The following MAP3K5 variants were observed in gnomAD, a reference collection of about 807,000 sequenced individuals.
MAP3K5 encodes ASK-1.
Under a neutral mutation model 158.7 loss-of-function variants are expected in MAP3K5, and 56 were observed. The ratio of observed to expected loss-of-function variants is 0.35; its 90% CI spans 0.28 to 0.44. The LOEUF is 0.44. Ranked by LOEUF, MAP3K5 falls within the 20% of genes least tolerant of loss-of-function variation. The pLI is 1.00. For missense variants in MAP3K5, 1,294 were observed against 1,674.8 expected (o/e 0.77, Z 3.97); for synonymous variants, 579 against 601.7 (o/e 0.96, Z 0.55).
At chr6:136,569,892 G>A (rs1774286624) in intron 25 of MAP3K5, among the ~76,000 whole-genome samples, 1 of 152,186 alleles carries the variant, frequency 6.6e-6, no homozygotes, top group Non-Finnish European at 1.5e-5. Context: ...TAATTTAAGT[G>A]AAATCAAGGT....
intron 1 of MAP3K5, among the ~76,000 whole-genome samples, chr6:136,732,060 G>A (rs991319982): frequency 2.0e-5 from 3 of 152,162 alleles, no homozygotes; most frequent in African/African-American, 4.8e-5. Context: ...TTTCAGATGA[G>A]ACAGATGGGT....
intron 1 of MAP3K5, among the ~76,000 whole-genome samples, chr6:136,760,606 CGAG>C (rs756015991): frequency 6.6e-5 from 10 of 152,092 alleles, no homozygotes; most frequent in Non-Finnish European, 1.3e-4. Flanking sequence ...GATAATATTA[CGAG>C]GTGAGGGCTT....
At chr6:136,642,030 A>AAAATTAAAATAAAAT (rs1491266433) in intron 12 of MAP3K5, among the ~76,000 whole-genome samples, 1 of 119,340 alleles carries the variant, frequency 8.4e-6, no homozygotes, top group East Asian at 2.7e-4. Context: ...AAAATAAAAT[A>AAAATTAAAATAAAAT]AAAATAAAAT....
chr6:136,704,323 G>A (rs1224388730), intron 3 of MAP3K5, among the ~76,000 whole-genome samples: 1 of 152,086 alleles, frequency 6.6e-6, no homozygotes, highest in African/African-American at 2.4e-5. Context: ...AGACGATCTA[G>A]AAAACCCTGT....
rs540076247 is a variant in MAP3K5 at position 136,705,955 on chromosome 6, G to T, written c.589-822C>A. ...AGTCATAATTTGTGTGTTTTTCATT[G>T]AGAAATATAATGGGATAAATGGCCG... On this transcript the variant is annotated intron_variant, in intron 2 of 29. Coordinates refer to ENST00000359015, the MANE Select transcript of MAP3K5 (RefSeq NM_005923.4). Among the ~76,000 whole-genome samples the T allele has an allele frequency of 9.9e-5, 15 of 152,214 alleles. No individual in the cohort carries two copies. The South Asian group carries it at 2.9e-3, about 29-fold the overall frequency.
intron 8 of MAP3K5, among the ~76,000 whole-genome samples, chr6:136,667,098 T>C (rs1779260203): frequency 6.6e-6 from 1 of 152,206 alleles, no homozygotes; most frequent in Non-Finnish European, 1.5e-5. Context: ...TGTCATTGCT[T>C]TGCCTACATA....
At chr6:136,760,788 G>A (rs772846353) in intron 1 of MAP3K5, among the ~76,000 whole-genome samples, 1 of 152,170 alleles carries the variant, frequency 6.6e-6, no homozygotes, top group Non-Finnish European at 1.5e-5. Flanking sequence ...TGGTCAATGT[G>A]TCGAAACCCT....
chr6:136,709,820 T>C (rs1781233658), intron 2 of MAP3K5, among the ~76,000 whole-genome samples: 1 of 152,138 alleles, frequency 6.6e-6, no homozygotes, highest in South Asian at 2.1e-4. Flanking sequence ...TAATCCCAGC[T>C]ACTCAAGAGG....
rs1228918012 is a variant in MAP3K5, at chr6:136,613,978, A to G, written c.2278+181T>C. On this transcript the variant is annotated intron_variant, in intron 16 of 29. Coordinates refer to ENST00000359015, the MANE Select transcript of MAP3K5 (RefSeq NM_005923.4). The surrounding 1 kb of genome is among the most constrained non-coding windows in gnomAD (Gnocchi z 4.0). ...TGGAATAAACTCTATACATTAGGAT[A>G]TTTTCTAAATCTCATCATTTATGGT... Among the ~76,000 whole-genome samples the G allele has an allele frequency of 6.6e-6, 1 of 152,126 alleles. No individual in the cohort carries two copies. Among genetic ancestry groups the G allele is most frequent in the Non-Finnish European group, 1.5e-5 (1 of 68,028 alleles).
chr6:136,742,911 G>A (rs1782771820), intron 1 of MAP3K5, among the ~76,000 whole-genome samples: 1 of 152,170 alleles, frequency 6.6e-6, no homozygotes, highest in Non-Finnish European at 1.5e-5. Context: ...ATGTTCATGG[G>A]GCCAGGCAAA....
chr6:136,700,966 G>A (rs1283858171), intron 3 of MAP3K5, among the ~76,000 whole-genome samples: 2 of 152,310 alleles, frequency 1.3e-5, no homozygotes, highest in East Asian at 3.9e-4. Flanking sequence ...TAGCACTTAA[G>A]TAATAAGTAC....
chr6:136,642,459 AGCC>A, intron 12 of MAP3K5, 58 bp downstream of exon 12: 1 of 1,106,454 alleles, frequency 9.0e-7, no homozygotes, highest in Non-Finnish European at 1.4e-6. Context: ...AGTTCTATCC[AGCC>A]CATGAATAGT....
intron 21 of MAP3K5, among the ~76,000 whole-genome samples, chr6:136,595,567 A>G (rs1775589464): frequency 6.6e-6 from 1 of 152,240 alleles, no homozygotes; most frequent in South Asian, 2.1e-4. Flanking sequence ...AAAAGGAAGA[A>G]TCAAAAATGA....
At chr6:136,582,255 TGTGTATAC>T (rs1211506425) in intron 24 of MAP3K5, among the ~76,000 whole-genome samples, 6 of 136,310 alleles carry the variant, frequency 4.4e-5, no homozygotes, top group African/African-American at 1.7e-4. Context: ...TGTACACGTG[TGTGTATAC>T]GTGTGTGTGT....
At chr6:136,752,098 C>T (rs1374673596) in intron 1 of MAP3K5, among the ~76,000 whole-genome samples, 1 of 152,204 alleles carries the variant, frequency 6.6e-6, no homozygotes, top group Non-Finnish European at 1.5e-5. Context: ...TTCCATCCCT[C>T]CTTCTCCCGT....
intron 1 of MAP3K5, among the ~76,000 whole-genome samples, chr6:136,766,173 G>A (rs1487959228): frequency 6.6e-6 from 1 of 152,174 alleles, no homozygotes; most frequent in Admixed American, 6.5e-5. Flanking sequence ...CCACCCTGGG[G>A]AGAAGTTGGA....
intron 1 of MAP3K5, among the ~76,000 whole-genome samples, chr6:136,762,225 G>A (rs879756215): frequency 8.6e-5 from 13 of 150,416 alleles, no homozygotes; most frequent in Non-Finnish European, 1.9e-4. Context: ...AGAAAGAGAA[G>A]AGAAGAGAAG....
In MAP3K5 at chr6:136,673,146, G is replaced by T. The variant is rs927144607; in HGVS notation, c.1254-3751C>A. 3.3e-5 allele frequency among the ~76,000 whole-genome samples: 5 copies of T among 152,262 alleles called. No homozygotes were observed. The East Asian group carries it at 5.8e-4, about 18-fold the overall frequency. ...AAATATGCCTGCCTATCAATTAAAA[G>T]TTCAAGAGGGTCACAGCTAAGAAGC... On this transcript the variant is annotated intron_variant, in intron 7 of 29. Transcript: ENST00000359015.
chr6:136,644,622 A>T (rs933490787), intron 11 of MAP3K5, among the ~76,000 whole-genome samples: 4 of 152,218 alleles, frequency 2.6e-5, no homozygotes, highest in Admixed American at 2.6e-4. Flanking sequence ...CTCCCTCAGC[A>T]ACTGTCATTC....
Sources: gnomAD v4.1 joint callset for allele counts (sites outside exome capture counted in the v4.1 genomes callset) on GRCh38, gnomAD v4.1.1 for gene constraint, Gnocchi (gnomAD v3.1) non-coding constraint, MANE v1.5 for transcripts, NCBI Gene and HGNC (gene_info 2026-07-23, HGNC 2026-07-21) for gene names.